The following STXBP6 variants were observed in gnomAD, a reference collection of about 807,000 sequenced individuals.
The protein encoded by STXBP6 is syntaxin-binding protein 6.
Under a neutral mutation model 26.9 loss-of-function variants are expected in STXBP6, and 21 were observed. The observed-to-expected ratio is 0.78, with a 90% CI of 0.55 to 1.12. The LOEUF is 1.12. Ranked by LOEUF, STXBP6 falls within the 50% of genes most tolerant of loss-of-function variation. STXBP6 has a pLI of 0.00. For missense variants in STXBP6, 232 were observed against 257.9 expected, an observed-to-expected ratio of 0.90 and a Z score of 0.69; for synonymous variants, 97 against 92.6, an observed-to-expected ratio of 1.05 and a Z score of -0.27.
chr14:24,874,879 G>A (rs746592416), intron 2 of STXBP6, among the ~76,000 whole-genome samples: 1 of 152,100 alleles, frequency 6.6e-6, no homozygotes, highest in African/African-American at 2.4e-5. Context: ...CCTGTGAGTG[G>A]GAACACGCTC....
chr14:25,030,063 A>G (rs540580646), intron 1 of STXBP6, among the ~76,000 whole-genome samples: 1 of 152,366 alleles, frequency 6.6e-6, no homozygotes, highest in Admixed American at 6.5e-5. Context: ...CCCATTTTAC[A>G]TATAAGAAGC....
intron 2 of STXBP6, among the ~76,000 whole-genome samples, chr14:24,879,474 T>G (rs1002419272): frequency 6.6e-6 from 1 of 152,200 alleles, no homozygotes; most frequent in Non-Finnish European, 1.5e-5. Context: ...TCCTCCCTGC[T>G]CCAGGCTGAC....
At chr14:24,859,854 A>G (rs1238379210) in intron 2 of STXBP6, among the ~76,000 whole-genome samples, 1 of 152,196 alleles carries the variant, frequency 6.6e-6, no homozygotes, top group East Asian at 1.9e-4. Context: ...AATACTGTAG[A>G]CCACTCTGAA....
intron 2 of STXBP6, among the ~76,000 whole-genome samples, chr14:24,899,982 G>A (rs1436337429): frequency 6.6e-6 from 1 of 152,080 alleles, no homozygotes; most frequent in Non-Finnish European, 1.5e-5. Flanking sequence ...GAAATACAGA[G>A]AAGTTATGCA....
chr14:24,812,775 G>A, intron 5 of STXBP6, 43 bp from the exon 6 acceptor site: 2 of 1,603,234 alleles, frequency 1.2e-6, no homozygotes, highest in South Asian at 2.2e-5. Flanking sequence ...TTTATTAGCA[G>A]GTATTAGCAG....
In STXBP6 at chr14:25,025,159, C is replaced by G. The variant is rs538002894; in HGVS notation, c.-33+24719G>C. ...TTGAATAAGACAGATAGGCTTAACT[C>G]ATGAGAAGGCTTTTTTTTTTAATTT... is the stretch of plus-strand genomic sequence containing the variant. On this transcript the variant is annotated intron_variant, in intron 1 of 5. Transcript: ENST00000323944. Among the ~76,000 whole-genome samples, 10 of 151,920 alleles carry G rather than the reference C, an allele frequency of 6.6e-5. No individual in the cohort carries two copies. In the South Asian group the frequency reaches 1.9e-3, roughly 28 times the overall value.
intron 2 of STXBP6, among the ~76,000 whole-genome samples, chr14:24,901,132 C>T (rs934960668): frequency 6.6e-5 from 9 of 136,564 alleles, no homozygotes; most frequent in African/African-American, 2.4e-4. Context: ...TTATTTGAAC[C>T]GTATAGACAG....
intron 1 of STXBP6, among the ~76,000 whole-genome samples, chr14:25,036,214 CAAAAAAAAAA>C (rs559433301): frequency 0.064 from 5,187 of 80,752 alleles, 344 homozygotes; most frequent in African/African-American, 0.17. Context: ...AAGACTCCAT[CAAAAAAAAAA>C]AAAAAAAAAA....
At chr14:24,860,828 T>C (rs1251435228) in intron 2 of STXBP6, among the ~76,000 whole-genome samples, 1 of 149,768 alleles carries the variant, frequency 6.7e-6, no homozygotes, top group Non-Finnish European at 1.5e-5. Context: ...GCACCCCCAA[T>C]AGCTATAGTT....
At chr14:24,944,791 C>T (rs757149386) in intron 2 of STXBP6, among the ~76,000 whole-genome samples, 7 of 152,140 alleles carry the variant, frequency 4.6e-5, no homozygotes, top group Non-Finnish European at 1.0e-4. Flanking sequence ...CTCTCCATTG[C>T]TTTATGGAAG....
intron 2 of STXBP6, among the ~76,000 whole-genome samples, chr14:24,871,347 G>A (rs2069928781): frequency 6.6e-6 from 1 of 152,198 alleles, no homozygotes; most frequent in African/African-American, 2.4e-5. Context: ...AATATTGGGT[G>A]ATAGGTTGTT....
chr14:24,985,233 G>A, intron 1 of STXBP6, among the ~76,000 whole-genome samples: 1 of 152,174 alleles, frequency 6.6e-6, no homozygotes, highest in East Asian at 1.9e-4. Context: ...CAATACATTA[G>A]CAGAGAGATT....
chr14:24,867,158 C>T (rs11850567), intron 2 of STXBP6, among the ~76,000 whole-genome samples: 118 of 152,230 alleles, frequency 7.8e-4, no homozygotes, highest in African/African-American at 2.7e-3. Flanking sequence ...TTAGTGCCTT[C>T]TAAAAGGGAC....
At chr14:24,822,990 A>T (rs550162581) in intron 4 of STXBP6, among the ~76,000 whole-genome samples, 1 of 152,304 alleles carries the variant, frequency 6.6e-6, no homozygotes, top group South Asian at 2.1e-4. Flanking sequence ...GGCCAACAGC[A>T]TAGTAATTCT....
intron 2 of STXBP6, among the ~76,000 whole-genome samples, chr14:24,940,866 A>G (rs2072776713): frequency 6.6e-6 from 1 of 152,162 alleles, no homozygotes; most frequent in Non-Finnish European, 1.5e-5. Flanking sequence ...ATACAAAAAA[A>G]GTAGCCAGGT....
At position 24,855,929 on chromosome 14, in the gene STXBP6, C is replaced by T; in HGVS notation, c.451+7G>A. ...GGATGACTAAAGTCACACAAATGTC[C>T]ACTCACCTCCCATAATTTTGGATTG... On this transcript the variant is annotated splice_region_variant and intron_variant, in intron 4 of 5. Coordinates refer to ENST00000323944, the MANE Select transcript of STXBP6 (RefSeq NM_001394410.1). 1 of 1,593,610 alleles carries T rather than the reference C, an allele frequency of 6.3e-7. No homozygotes were observed. Among genetic ancestry groups the T allele is most frequent in the East Asian group, 2.2e-5 (1 of 44,596 alleles).
intron 1 of STXBP6, among the ~76,000 whole-genome samples, chr14:25,042,950 A>T (rs926418955): frequency 6.6e-6 from 1 of 152,244 alleles, no homozygotes; most frequent in African/African-American, 2.4e-5. Context: ...CCCTCTTTAA[A>T]TAGAGATTTT....
At chr14:24,872,655 CGA>C (rs1414873950) in intron 2 of STXBP6, among the ~76,000 whole-genome samples, 2 of 152,190 alleles carry the variant, frequency 1.3e-5, no homozygotes, top group African/African-American at 2.4e-5. Context: ...AGGAAGTCAA[CGA>C]GAGTAGGGAG....
chr14:24,951,720 C>T (rs1187989191), intron 2 of STXBP6, among the ~76,000 whole-genome samples: 1 of 152,034 alleles, frequency 6.6e-6, no homozygotes, highest in Non-Finnish European at 1.5e-5. Flanking sequence ...GGAAAAATGT[C>T]AAGTTACATA....
Sources: allele counts gnomAD v4.1 joint callset (sites outside exome capture counted in the v4.1 genomes callset), GRCh38; gene constraint gnomAD v4.1.1; transcripts MANE v1.5; gene names NCBI Gene and HGNC (gene_info 2026-07-23, HGNC 2026-07-21).